TRPC7: variants seen among roughly 807,000 people sequenced by gnomAD.
The protein encoded by TRPC7 is short transient receptor potential channel 7.
TRPC7 carries 42 observed loss-of-function variants against 90.1 expected under a neutral mutation model. That is an observed-to-expected ratio of 0.47 (90% confidence interval 0.36 to 0.60). The LOEUF is 0.60. Ranked by LOEUF, TRPC7 falls within the 20% of genes least tolerant of loss-of-function variation. TRPC7 has a pLI of 0.00. For synonymous variants in TRPC7, 451 were observed against 436.3 expected, an observed-to-expected ratio of 1.03 and a Z score of -0.42; for missense variants, 955 against 1,112.3, an observed-to-expected ratio of 0.86 and a Z score of 2.01.
intron 1 of TRPC7, among the ~76,000 whole-genome samples, chr5:136,359,394 T>C (rs139310945): frequency 3.3e-5 from 5 of 152,358 alleles, no homozygotes; most frequent in East Asian, 1.9e-4. Context: ...TAAATCCTAA[T>C]AGAGAGCTCT....
At chr5:136,273,585 C>T (rs1027503978) in intron 4 of TRPC7, among the ~76,000 whole-genome samples, 4 of 152,088 alleles carry the variant, frequency 2.6e-5, no homozygotes, top group Non-Finnish European at 2.9e-5. Context: ...CCAGCAGCCC[C>T]GAAGTCTCGC....
intron 2 of TRPC7, among the ~76,000 whole-genome samples, chr5:136,347,940 C>T (rs890272509): frequency 3.3e-5 from 5 of 152,232 alleles, no homozygotes; most frequent in African/African-American, 4.8e-5. Flanking sequence ...GAGCCAGTCA[C>T]CTGCTCCAAC....
At chr5:136,323,924 T>C (rs1346810941) in intron 2 of TRPC7, among the ~76,000 whole-genome samples, 1 of 152,230 alleles carries the variant, frequency 6.6e-6, no homozygotes, top group Non-Finnish European at 1.5e-5. Flanking sequence ...TTTAAACTCT[T>C]TTGAATTCTC....
chr5:136,213,725 G>C (rs541627402), intron 11 of TRPC7, 121 bp from the exon 12 acceptor site: 1 of 1,100,478 alleles, frequency 9.1e-7, no homozygotes, highest in South Asian at 1.5e-5. Flanking sequence ...AGCCCACCAG[G>C]GTTGAAGGTG....
At chr5:136,324,985 T>C (rs1333479444) in intron 2 of TRPC7, among the ~76,000 whole-genome samples, 1 of 152,226 alleles carries the variant, frequency 6.6e-6, no homozygotes, top group East Asian at 1.9e-4. Flanking sequence ...AAGCTCCAAT[T>C]GAAATACTAG....
At chr5:136,242,967 T>C (rs984427327) in intron 7 of TRPC7, among the ~76,000 whole-genome samples, 2 of 152,178 alleles carry the variant, frequency 1.3e-5, no homozygotes, top group African/African-American at 4.8e-5. Flanking sequence ...TTCATTGAGG[T>C]CTGCCAGATG....
At position 136,241,702 on chromosome 5, in the gene TRPC7, C is replaced by G. The variant is rs1424550464; in HGVS notation, c.1844+5769G>C. ...TTCCAAGTATCTGGGAAAACAGGTG[C>G]GAGCCACCACGCCCAGCTAATTTTT... On this transcript the variant is annotated intron_variant, in intron 7 of 11. Coordinates refer to ENST00000513104, the MANE Select transcript of TRPC7 (RefSeq NM_020389.3). Among the ~76,000 whole-genome samples, 4 of 152,208 alleles carry G rather than the reference C, an allele frequency of 2.6e-5. No homozygotes were observed. The East Asian group carries it at 7.7e-4, about 29-fold the overall frequency.
intron 4 of TRPC7, 105 bp from the exon 5 acceptor site, chr5:136,266,541 C>G: frequency 9.6e-7 from 1 of 1,042,976 alleles, no homozygotes; most frequent in East Asian, 2.6e-5. Context: ...AATCCTTCAT[C>G]TTGGACAGAA....
intron 3 of TRPC7, among the ~76,000 whole-genome samples, chr5:136,304,678 G>C (rs533674872): frequency 1.2e-4 from 19 of 152,200 alleles, no homozygotes; most frequent in South Asian, 4.2e-4. Flanking sequence ...CTGCTGCAAG[G>C]CTTCACAGAC....
chr5:136,286,946 A>G (rs1038486539), intron 3 of TRPC7, among the ~76,000 whole-genome samples: 10 of 152,178 alleles, frequency 6.6e-5, no homozygotes, highest in Non-Finnish European at 1.3e-4. Flanking sequence ...ACCATCTGAA[A>G]TCTGGCTCTT....
In TRPC7 at chr5:136,251,892, AAGG is replaced by A. The variant is rs113472604; in HGVS notation, c.1346-13_1346-11del. The A allele has an allele frequency of 2.5e-3, 4,054 of 1,609,690 alleles. 35 individuals are homozygous for A. Among genetic ancestry groups the A allele is most frequent in the African/African-American group, 0.02 (1,509 of 74,916 alleles). On this transcript the variant is annotated splice_polypyrimidine_tract_variant and intron_variant, in intron 5 of 11. Transcript: ENST00000513104. ...TCGGACCAAATCATTCCTGTGGGAGAAGGAGAAGGCCAGGCTCACTTTTCGTTT... is the reference window on the plus strand; with the variant it reads ...TCGGACCAAATCATTCCTGTGGGAGAAGAAGGCCAGGCTCACTTTTCGTTT...
intron 3 of TRPC7, among the ~76,000 whole-genome samples, chr5:136,289,331 G>A (rs537030100): frequency 1.2e-4 from 18 of 152,334 alleles, no homozygotes; most frequent in East Asian, 9.6e-4. Flanking sequence ...TGCGTGAGCC[G>A]AAGCAGGGCA....
intron 2 of TRPC7, among the ~76,000 whole-genome samples, chr5:136,332,492 C>T (rs934754286): frequency 1.3e-5 from 2 of 151,980 alleles, no homozygotes; most frequent in African/African-American, 4.8e-5. Flanking sequence ...CTGTAAGGGG[C>T]AAGAGCAAAA....
At chr5:136,325,746 G>T (rs1052053660) in intron 2 of TRPC7, among the ~76,000 whole-genome samples, 2 of 151,792 alleles carry the variant, frequency 1.3e-5, no homozygotes, top group African/African-American at 4.8e-5. Flanking sequence ...AAACACCAAG[G>T]TCTGGGGGCA....
intron 3 of TRPC7, among the ~76,000 whole-genome samples, chr5:136,289,454 G>A (rs1162178008): frequency 9.2e-5 from 14 of 152,332 alleles, no homozygotes; most frequent in South Asian, 2.1e-4. Flanking sequence ...CTAATACTGC[G>A]CTCTTCCAAC....
At position 136,247,937 on chromosome 5, in the gene TRPC7, C is replaced by T. The variant is rs556657284; in HGVS notation, c.1580-202G>A. Among the ~76,000 whole-genome samples the T allele has an allele frequency of 4.8e-4, 73 of 152,320 alleles. No individual in the cohort carries two copies. Among genetic ancestry groups the T allele is most frequent in the Non-Finnish European group, 9.1e-4 (62 of 68,010 alleles). On this transcript the variant is annotated intron_variant, in intron 6 of 11. Coordinates refer to ENST00000513104, the MANE Select transcript of TRPC7 (RefSeq NM_020389.3). This position sits in a 1 kb window ranked among gnomAD's most constrained non-coding sequence, Gnocchi z 4.2. ...TGCCTGGAACACTCTTCTCTCACTT[C>T]GAAGTATGATTCATTCCTAATCCTC...
At chr5:136,277,583 A>G in intron 3 of TRPC7, among the ~76,000 whole-genome samples, 1 of 152,346 alleles carries the variant, frequency 6.6e-6, no homozygotes, top group East Asian at 1.9e-4. Context: ...GAAGCACACC[A>G]ACAGGACACA....
rs1010452628 is a variant in TRPC7 at position 136,266,507 on chromosome 5, G to T, written c.1129-71C>A. 6 of 1,339,154 alleles carry T rather than the reference G, an allele frequency of 4.5e-6. 1 individual carries two copies. Among genetic ancestry groups the T allele is most frequent in the Non-Finnish European group, 6.2e-6 (6 of 963,662 alleles). 83.0% of individuals were successfully genotyped at this position (1,339,154 alleles called of 1,614,324 possible). ...GATGTAGGTCTTTCTTTATAACATC[G>T]CTTTCACCAAAGTTTAACCAGAGAA... On this transcript the variant is annotated intron_variant, in intron 4 of 11. Transcript: ENST00000513104.
intron 3 of TRPC7, among the ~76,000 whole-genome samples, chr5:136,293,709 T>C (rs990139090): frequency 1.1e-4 from 17 of 152,020 alleles, no homozygotes; most frequent in Non-Finnish European, 2.2e-4. Flanking sequence ...AAAATGGCCA[T>C]ACTGCCCAAG....
Sources: gnomAD v4.1 joint callset for allele counts (sites outside exome capture counted in the v4.1 genomes callset) on GRCh38, gnomAD v4.1.1 for gene constraint, Gnocchi (gnomAD v3.1) non-coding constraint, MANE v1.5 for transcripts, NCBI Gene and HGNC (gene_info 2026-07-23, HGNC 2026-07-21) for gene names.